Variants in ZNF283 observed in about 807,000 individuals in gnomAD.
The protein encoded by ZNF283 is zinc finger protein 283.
ZNF283 carries 10 observed loss-of-function variants against 9.2 expected under a neutral mutation model. The ratio of observed to expected loss-of-function variants is 1.09; its 90% CI spans 0.67 to 1.85. The LOEUF (loss-of-function observed/expected upper bound fraction) is 1.85. Among genes scored for constraint, ZNF283 ranks in the 40% most tolerant of loss-of-function variants. The pLI is 0.00. For synonymous variants in ZNF283, 234 were observed against 244.1 expected (o/e 0.96, Z 0.38); for missense variants, 631 against 760.1 (o/e 0.83, Z 2.00).
intron 6 of ZNF283, among the ~76,000 whole-genome samples, chr19:43,839,980 G>C (rs1043802846): frequency 1.3e-5 from 2 of 151,794 alleles, no homozygotes; most frequent in African/African-American, 4.8e-5. Flanking sequence ...TGTATGCTTT[G>C]TAATTTTTTT....
chr19:43,836,332 A>T (rs1256677798), intron 5 of ZNF283, among the ~76,000 whole-genome samples: 1 of 152,054 alleles, frequency 6.6e-6, no homozygotes, highest in Non-Finnish European at 1.5e-5. Flanking sequence ...AAAAGTTTTC[A>T]TGTTTTCCTA....
Position 43,848,199 on chromosome 19 carries a change from A to G in ZNF283, c.1598A>G (p.His533Arg), listed in dbSNP as rs781638087. Residue 533 changes from histidine (H) to arginine (R), a missense_variant, in exon 7 of 7, where the codon CAT becomes CGT. Around this residue, in one of 3 missense-constraint regions of ZNF283, gnomAD observed 444 missense variants for 522.5 expected, o/e 0.85. Transcript: ENST00000618787. ...AATTGTGGATCAAGCCTTGTTCAAC[A>G]TGAAAGAATCCATACAGGGGAGAAA... is the stretch of plus-strand genomic sequence containing the variant. ...AFNCGSSLVQHERIHTGEKPY... is the reference protein window; with the variant it reads ...AFNCGSSLVQRERIHTGEKPY... The G allele has an allele frequency of 1.2e-6, 2 of 1,614,038 alleles. No individual in the cohort carries two copies. The highest frequency in any genetic ancestry group is 2.2e-5 in the South Asian group (2 of 91,072).
At chr19:43,830,939 A>G (rs929724259) in intron 2 of ZNF283, among the ~76,000 whole-genome samples, 21 of 151,184 alleles carry the variant, frequency 1.4e-4, no homozygotes, top group Non-Finnish European at 2.9e-4. Context: ...TTAGTGTCCA[A>G]TAGAATGGAA....
At chr19:43,829,972 G>A (rs1433332578) in intron 2 of ZNF283, among the ~76,000 whole-genome samples, 4 of 151,994 alleles carry the variant, frequency 2.6e-5, no homozygotes, top group East Asian at 1.9e-4. Flanking sequence ...GTAGTGTGCC[G>A]AGATCGCGCC....
rs979747978 is a variant in ZNF283, at chr19:43,850,220, A to G, written c.*1579A>G. 1 of 152,130 alleles carries G rather than the reference A, an allele frequency of 6.6e-6. No individual in the cohort carries two copies. Among genetic ancestry groups the G allele is most frequent in the Non-Finnish European group, 1.5e-5 (1 of 68,018 alleles). 9.4% of individuals were successfully genotyped at this position (152,130 alleles called of 1,614,324 possible). ...TGAAGTTGGAAATAGAGGCTTAAAC[A>G]TTTTTTACCAGAACACTTCATAGAT... On this transcript the variant is annotated 3_prime_UTR_variant, in exon 7 of 7. Coordinates refer to ENST00000618787, the MANE Select transcript of ZNF283 (RefSeq NM_181845.2).
At chr19:43,844,578 A>T (rs2146575338) in intron 6 of ZNF283, among the ~76,000 whole-genome samples, 1 of 152,336 alleles carries the variant, frequency 6.6e-6, no homozygotes, top group East Asian at 1.9e-4. Flanking sequence ...CATAAAAAGC[A>T]GCAAGACATT....
chr19:43,830,425 C>T (rs1370184231), intron 2 of ZNF283, among the ~76,000 whole-genome samples: 1 of 152,108 alleles, frequency 6.6e-6, no homozygotes, highest in Non-Finnish European at 1.5e-5. Flanking sequence ...CATTGACGAG[C>T]TTCCAGGTGA....
Position 43,847,413 on chromosome 19 carries a change from C to T in ZNF283, c.812C>T (p.Thr271Ile), listed in dbSNP as rs1971446165. ...KPYECKECGK[T>I]FSWGSSLVKH... is the part of the protein sequence containing the mutation. ...TATGAGTGTAAGGAATGTGGGAAGA[C>T]CTTTAGCTGGGGATCAAGCCTTGTT... The change falls in exon 7 of 7, where the codon ACC (threonine) becomes ATC (isoleucine). Residue 271 changes from threonine to isoleucine, a missense_variant. Thr to Ile is a moderately conservative substitution (Grantham distance 89). Around this residue, in one of 3 missense-constraint regions of ZNF283, gnomAD observed 444 missense variants for 522.5 expected, o/e 0.85. Coordinates refer to ENST00000618787, the MANE Select transcript of ZNF283 (RefSeq NM_181845.2). 2.5e-6 allele frequency: 4 copies of T among 1,613,808 alleles called. No homozygotes were observed. The highest frequency in any genetic ancestry group is 2.5e-6 in the Non-Finnish European group (3 of 1,179,922).
At chr19:43,843,355 T>A (rs1299387342) in intron 6 of ZNF283, among the ~76,000 whole-genome samples, 1 of 152,066 alleles carries the variant, frequency 6.6e-6, no homozygotes, top group Non-Finnish European at 1.5e-5. Flanking sequence ...CCAAAAAAAT[T>A]GTGAGTTAAA....
intron 3 of ZNF283, among the ~76,000 whole-genome samples, chr19:43,831,651 T>C (rs959129851): frequency 1.3e-5 from 2 of 152,148 alleles, no homozygotes; most frequent in Admixed American, 1.3e-4. Flanking sequence ...TTTTTTGAGA[T>C]AGTTTCTCAT....
In ZNF283 at chr19:43,847,063, CA is replaced by C; in HGVS notation, c.463del (p.Arg155GlufsTer13). 1 of 1,612,690 alleles carries C rather than the reference CA, an allele frequency of 6.2e-7. No individual in the cohort carries two copies. Among genetic ancestry groups the C allele is most frequent in the Non-Finnish European group, 8.5e-7 (1 of 1,179,308 alleles). On this transcript the variant is annotated frameshift_variant, in exon 7 of 7. Coordinates refer to ENST00000618787, the MANE Select transcript of ZNF283 (RefSeq NM_181845.2). LOFTEE classifies it low-confidence loss of function (END_TRUNC). ...CCCTTGGCCTTGAGGCATCCATCTT[CA>C]GAAATAATTGGAAGTGCAAAAGCAT... The part of the protein sequence containing the change: ...KTLGLEASIF[R>X]NNWKCKSIFE...
intron 5 of ZNF283, among the ~76,000 whole-genome samples, chr19:43,836,383 C>T (rs1433816987): frequency 6.6e-6 from 1 of 152,044 alleles, no homozygotes; most frequent in African/African-American, 2.4e-5. Context: ...GCTCTGTCAC[C>T]CAGGCTGGAG....
rs373629233 is a variant in ZNF283, at chr19:43,848,078, G to A, written c.1477G>A (p.Gly493Arg). ...GEKSHECKEC[G>R]KTFCSGYQLT... ...GAAATCCCATGAATGTAAAGAATGC[G>A]GAAAGACCTTTTGTAGTGGGTATCA... The change falls in exon 7 of 7, where the codon GGA becomes AGA. Residue 493 changes from glycine (G) to arginine (R), a missense_variant. This residue lies in a region of ZNF283 where 444 missense variants were observed against 522.5 expected (regional missense o/e 0.85). Coordinates refer to ENST00000618787, the MANE Select transcript of ZNF283 (RefSeq NM_181845.2). The A allele has an allele frequency of 3.0e-5, 49 of 1,612,412 alleles. No individual in the cohort carries two copies. Among genetic ancestry groups the A allele is most frequent in the South Asian group, 1.2e-4 (11 of 91,046 alleles).
In ZNF283 at chr19:43,851,454, T is replaced by C. The variant is rs373898653; in HGVS notation, c.*2813T>C. 661 of 148,750 alleles carry C rather than the reference T, an allele frequency of 4.4e-3. 2 individuals are homozygous for C. Among genetic ancestry groups the C allele is most frequent in the Non-Finnish European group, 7.0e-3 (474 of 67,636 alleles). 9.2% of individuals were successfully genotyped at this position (148,750 alleles called of 1,614,324 possible). ...AAAGACGGCCGGGCGCGGTGGCTCA[T>C]GCCTGTAATCCCAGAACTTTGGGAA... is the stretch of plus-strand genomic sequence containing the variant. On this transcript the variant is annotated 3_prime_UTR_variant, in exon 7 of 7. Transcript: ENST00000618787.
At chr19:43,836,960 C>T in intron 5 of ZNF283, 93 bp from the exon 6 acceptor site, 1 of 1,368,084 alleles carries the variant, frequency 7.3e-7, no homozygotes. Flanking sequence ...TATATTTCTC[C>T]CCCTCTTTGT....
At chr19:43,841,954 T>A (rs1971232559) in intron 6 of ZNF283, among the ~76,000 whole-genome samples, 1 of 152,200 alleles carries the variant, frequency 6.6e-6, no homozygotes, top group African/African-American at 2.4e-5. Context: ...GACTATAAAG[T>A]TCTAGATATG....
At chr19:43,828,588 A>G (rs951850201) in intron 2 of ZNF283, among the ~76,000 whole-genome samples, 4 of 152,218 alleles carry the variant, frequency 2.6e-5, no homozygotes, top group African/African-American at 9.7e-5. Context: ...GATTATTTGA[A>G]GAGATTAGTA....
At chr19:43,840,152 G>A (rs1971141855) in intron 6 of ZNF283, among the ~76,000 whole-genome samples, 1 of 152,078 alleles carries the variant, frequency 6.6e-6, no homozygotes, top group South Asian at 2.1e-4. Context: ...TGTGGTCACT[G>A]AAATTTCTGT....
At chr19:43,842,226 T>A (rs571787373) in intron 6 of ZNF283, among the ~76,000 whole-genome samples, 1 of 152,296 alleles carries the variant, frequency 6.6e-6, no homozygotes, top group South Asian at 2.1e-4. Flanking sequence ...TTGAAGTCAC[T>A]GTTTTTTTTT....
Sources: gnomAD v4.1 joint callset for allele counts (sites outside exome capture counted in the v4.1 genomes callset) on GRCh38, gnomAD v4.1.1 for gene constraint, gnomAD v4.1.1 regional missense constraint, MANE v1.5 for transcripts, NCBI Gene and HGNC (gene_info 2026-07-23, HGNC 2026-07-21) for gene names.